The following UBAC2 variants were observed in gnomAD, a reference collection of about 807,000 sequenced individuals.
UBAC2 encodes the protein UBA domain containing 2.
Under a neutral mutation model 44.0 loss-of-function variants are expected in UBAC2, and 26 were observed. The observed-to-expected ratio is 0.59, with a 90% CI of 0.43 to 0.82. The LOEUF is 0.82. Ranked by LOEUF, UBAC2 falls within the 40% of genes least tolerant of loss-of-function variation. UBAC2 has a pLI of 0.00. For missense variants in UBAC2, 329 were observed against 419.4 expected, an observed-to-expected ratio of 0.78 and a Z score of 1.88; for synonymous variants, 155 against 154.3, an observed-to-expected ratio of 1.00 and a Z score of -0.04.
chr13:99,232,399 G>GAGATAT (rs1367302629), intron 1 of UBAC2, among the ~76,000 whole-genome samples: 3 of 109,966 alleles, frequency 2.7e-5, no homozygotes, highest in East Asian at 5.9e-4. Flanking sequence ...TTAGTTGAGA[G>GAGATAT]ATATAGATAT....
intron 4 of UBAC2, among the ~76,000 whole-genome samples, chr13:99,289,583 G>C (rs952418190): frequency 1.3e-5 from 2 of 152,142 alleles, no homozygotes; most frequent in African/African-American, 4.8e-5. Context: ...GATAGTGTCT[G>C]CATTTTTCTT....
intron 1 of UBAC2, among the ~76,000 whole-genome samples, chr13:99,203,095 T>G (rs118180118): frequency 6.6e-6 from 1 of 151,956 alleles, no homozygotes; most frequent in African/African-American, 2.4e-5. Context: ...TGGAGTGCAG[T>G]GGTGGATCTC....
intron 7 of UBAC2, among the ~76,000 whole-genome samples, chr13:99,353,813 C>T (rs1645546056): frequency 6.6e-6 from 1 of 152,180 alleles, no homozygotes; most frequent in South Asian, 2.1e-4. Context: ...CCATGAGCAT[C>T]TCAGGAAAAC....
intron 1 of UBAC2, chr13:99,201,413 T>A: frequency 6.2e-7 from 1 of 1,611,768 alleles, no homozygotes; most frequent in Non-Finnish European, 8.5e-7. Context: ...TTCACTTGGA[T>A]GTGTTTCTTC....
At chr13:99,218,899 A>C (rs1304427014) in intron 1 of UBAC2, among the ~76,000 whole-genome samples, 1 of 152,194 alleles carries the variant, frequency 6.6e-6, no homozygotes, top group Non-Finnish European at 1.5e-5. Context: ...CAGAGACTTG[A>C]GGAATAAATC....
At position 99,238,413 on chromosome 13, in the gene UBAC2, CT is replaced by C; in HGVS notation, c.32-9del. On this transcript the variant is annotated splice_polypyrimidine_tract_variant and intron_variant, in intron 1 of 8. Coordinates refer to ENST00000403766, the MANE Select transcript of UBAC2 (RefSeq NM_001144072.2). ...GAACAATCATTCTGAAAGTGCTTTC[CT>C]TTTTCCCTCCAGACAAGGCGCCTCT... is the stretch of plus-strand genomic sequence containing the variant. 1.2e-6 allele frequency: 2 copies of C among 1,610,474 alleles called. No homozygotes were observed. Among genetic ancestry groups the C allele is most frequent in the Non-Finnish European group, 1.7e-6 (2 of 1,177,906 alleles).
chr13:99,219,109 A>C (rs937599003), intron 1 of UBAC2, among the ~76,000 whole-genome samples: 3 of 152,178 alleles, frequency 2.0e-5, no homozygotes, highest in African/African-American at 7.2e-5. Flanking sequence ...AGGAAAACCA[A>C]TGTTGTGGTA....
intron 1 of UBAC2, among the ~76,000 whole-genome samples, chr13:99,234,171 CTTTTTTTTTTT>C (rs773370310): frequency 1.1e-3 from 69 of 61,716 alleles, no homozygotes; most frequent in South Asian, 4.3e-3. Flanking sequence ...CTAGCCGTTT[CTTTTTTTTTTT>C]TTTTTTTTTT....
At position 99,385,221 on chromosome 13, in the gene UBAC2, C is replaced by A. The variant is rs745377931; in HGVS notation, c.928-7C>A. 96 of 1,611,718 alleles carry A rather than the reference C, an allele frequency of 6.0e-5. No homozygotes were observed. In the East Asian group the frequency reaches 2.1e-3, roughly 35 times the overall value. On this transcript the variant is annotated splice_polypyrimidine_tract_variant and splice_region_variant and intron_variant, in intron 8 of 8. Transcript: ENST00000403766. Reference sequence around the variant, plus strand: ...CCCTCAGGTTTCTGCGTTTTCTCTGCCTGCAGGTCGCCCGGCTCATGGAGA... The same window carrying A: ...CCCTCAGGTTTCTGCGTTTTCTCTGACTGCAGGTCGCCCGGCTCATGGAGA...
chr13:99,317,531 A>G (rs2044509137), intron 5 of UBAC2, among the ~76,000 whole-genome samples: 1 of 152,212 alleles, frequency 6.6e-6, no homozygotes, highest in African/African-American at 2.4e-5. Context: ...GAAAGTTACC[A>G]TTGGACATAG....
intron 4 of UBAC2, among the ~76,000 whole-genome samples, chr13:99,257,965 A>G (rs1040894730): frequency 6.6e-6 from 1 of 152,250 alleles, no homozygotes; most frequent in Admixed American, 6.5e-5. Context: ...TTTTTTTAAT[A>G]GAGACGGGGT....
chr13:99,200,865 T>A lies in UBAC2; in HGVS notation c.-44T>A. 7.8e-7 allele frequency: 1 copy of A among 1,282,626 alleles called. No homozygotes were observed. The highest frequency in any genetic ancestry group is 1.0e-6 in the Non-Finnish European group (1 of 1,004,580). 79.5% of individuals were successfully genotyped at this position (1,282,626 alleles called of 1,614,324 possible). On this transcript the variant is annotated 5_prime_UTR_variant, in exon 1 of 9. Transcript: ENST00000403766. ...GGTCGCTGGGGCTCGCACTTCAGCT[T>A]CCCCTCCCCCGGCGCCCTCTGGGGC...
chr13:99,269,759 TC>T (rs1048292480), intron 4 of UBAC2, among the ~76,000 whole-genome samples: 1 of 152,192 alleles, frequency 6.6e-6, no homozygotes, highest in Admixed American at 6.5e-5. Context: ...AAAGCTGTTT[TC>T]CCCTTTCTGA....
chr13:99,365,233 T>C (rs974587287), intron 7 of UBAC2, among the ~76,000 whole-genome samples: 1 of 152,192 alleles, frequency 6.6e-6, no homozygotes, highest in Non-Finnish European at 1.5e-5. Context: ...GTTTGCCTAT[T>C]TTATTTGACT....
At chr13:99,359,111 C>T (rs968557243) in intron 7 of UBAC2, among the ~76,000 whole-genome samples, 1 of 152,030 alleles carries the variant, frequency 6.6e-6, no homozygotes, top group Non-Finnish European at 1.5e-5. Flanking sequence ...ACTGAGAAGG[C>T]GTAGCTAGAG....
At chr13:99,285,151 A>G (rs2044001754) in intron 4 of UBAC2, among the ~76,000 whole-genome samples, 1 of 151,512 alleles carries the variant, frequency 6.6e-6, no homozygotes, top group Non-Finnish European at 1.5e-5. Context: ...ATTCTGTAAT[A>G]TTATTTACTA....
intron 7 of UBAC2, among the ~76,000 whole-genome samples, chr13:99,352,065 G>A (rs1263945645): frequency 6.6e-6 from 1 of 152,154 alleles, no homozygotes; most frequent in Non-Finnish European, 1.5e-5. Context: ...TATCATCTGA[G>A]ATGTGCACCA....
At chr13:99,280,580 T>G (rs956356980) in intron 4 of UBAC2, among the ~76,000 whole-genome samples, 24 of 152,166 alleles carry the variant, frequency 1.6e-4, no homozygotes, top group African/African-American at 5.6e-4. Context: ...GAGATGGTAA[T>G]TATTTACCTA....
intron 1 of UBAC2, chr13:99,215,351 A>C: frequency 1.0e-5 from 9 of 897,100 alleles, no homozygotes; most frequent in Non-Finnish European, 9.5e-6. Flanking sequence ...GTCCTGAGAT[A>C]ACAAGGAATC....
Sources: gnomAD v4.1 joint callset for allele counts (sites outside exome capture counted in the v4.1 genomes callset) on GRCh38, gnomAD v4.1.1 for gene constraint, MANE v1.5 for transcripts, NCBI Gene and HGNC (gene_info 2026-07-23, HGNC 2026-07-21) for gene names.